Variants in GCSAML observed in about 807,000 individuals in gnomAD.
The protein encoded by GCSAML is germinal center-associated signaling and motility-like protein.
GCSAML carries 9 observed loss-of-function variants against 13.0 expected under a neutral mutation model. The observed-to-expected ratio is 0.69, with a 90% CI of 0.42 to 1.21. GCSAML has a LOEUF of 1.21. Ranked by LOEUF, GCSAML falls within the 50% of genes most tolerant of loss-of-function variation. GCSAML has a pLI of 0.00. For missense variants in GCSAML, 143 were observed against 153.4 expected (o/e 0.93, Z 0.36); for synonymous variants, 37 against 52.9 (o/e 0.70, Z 1.31).
At chr1:247,510,400 T>C (rs1324759752) in intron 1 of GCSAML, among the ~76,000 whole-genome samples, 2 of 152,152 alleles carry the variant, frequency 1.3e-5, no homozygotes, top group Non-Finnish European at 2.9e-5. Context: ...CTCTCTTTCC[T>C]TCTTTATTAG....
intron 1 of GCSAML, among the ~76,000 whole-genome samples, chr1:247,521,541 G>A (rs1666427261): frequency 6.6e-6 from 1 of 152,216 alleles, no homozygotes; most frequent in African/African-American, 2.4e-5. Flanking sequence ...CACGACGCCT[G>A]ACTGGTTTTC....
chr1:247,511,956 A>G (rs1666053899), intron 1 of GCSAML, among the ~76,000 whole-genome samples: 1 of 151,714 alleles, frequency 6.6e-6, no homozygotes, highest in Non-Finnish European at 1.5e-5. Context: ...CCTCATTTCA[A>G]CCTTGATGAA....
chr1:247,554,789 G>A (rs1430021752), intron 1 of GCSAML, among the ~76,000 whole-genome samples: 1 of 152,008 alleles, frequency 6.6e-6, no homozygotes, highest in Admixed American at 6.5e-5. Flanking sequence ...GATTTTGGGG[G>A]ATGTTTACTA....
chr1:247,544,748 G>A (rs747473205), upstream of GCSAML, among the ~76,000 whole-genome samples: 1 of 152,220 alleles, frequency 6.6e-6, no homozygotes, highest in Middle Eastern at 3.4e-3. Flanking sequence ...CCAGCTACTC[G>A]GGAGCCCAAG....
intron 2 of GCSAML, chr1:247,532,362 G>A (rs1185948628): frequency 6.2e-7 from 1 of 1,614,112 alleles, no homozygotes; most frequent in East Asian, 2.2e-5. Context: ...CATCTGTATG[G>A]GAGACCAGAA....
intron 2 of GCSAML, chr1:247,531,507 C>G (rs372823045): frequency 3.8e-6 from 6 of 1,576,660 alleles, no homozygotes; most frequent in South Asian, 1.2e-5. Context: ...TCACTTTGCT[C>G]GATGTAAACT....
At chr1:247,532,008 C>T (rs544163828) in intron 2 of GCSAML, 24 of 1,614,086 alleles carry the variant, frequency 1.5e-5, no homozygotes, top group African/African-American at 9.3e-5. Context: ...TCCCACACAG[C>T]GGTAGGAGCA....
chr1:247,532,149 A>G (rs370546976), intron 2 of GCSAML: 1 of 1,614,102 alleles, frequency 6.2e-7, no homozygotes, highest in Non-Finnish European at 8.5e-7. Flanking sequence ...CGTAGCGGTC[A>G]TAGGACATGG....
chr1:247,558,815 C>T (rs1011417265), intron 2 of GCSAML, among the ~76,000 whole-genome samples: 1 of 152,110 alleles, frequency 6.6e-6, no homozygotes, highest in Non-Finnish European at 1.5e-5. Context: ...TAATATTTTG[C>T]AACTTTTAAT....
intron 2 of GCSAML, among the ~76,000 whole-genome samples, chr1:247,534,883 A>G (rs915339860): frequency 6.6e-6 from 1 of 152,202 alleles, no homozygotes; most frequent in Non-Finnish European, 1.5e-5. Context: ...TAAAATTCAC[A>G]CGTGGAAGCT....
intron 2 of GCSAML, 34 bp from the exon 3 acceptor site, chr1:247,563,556 G>T: frequency 1.5e-6 from 2 of 1,364,754 alleles, no homozygotes; most frequent in South Asian, 1.2e-5. Context: ...TGGAGAACCT[G>T]GAGTATCTCA....
At chr1:247,533,873 T>C (rs1667111191) in intron 2 of GCSAML, 1 of 152,232 alleles carries the variant, frequency 6.6e-6, no homozygotes, top group Non-Finnish European at 1.5e-5. Flanking sequence ...AAATTTTCCC[T>C]CACTCCTACG....
chr1:247,560,941 AT>A lies in GCSAML; in HGVS notation c.90-2641del, dbSNP rs943651428. 4.6e-5 allele frequency among the ~76,000 whole-genome samples: 7 copies of A among 151,432 alleles called. 1 individual carries two copies. The highest frequency in any genetic ancestry group is 1.5e-4 in the African/African-American group (6 of 41,198). ...TTCTACTTTTGTTTCATTTGTTTAG[AT>A]TTTTTTTATTTTTATTTTTTATTTT... is the stretch of plus-strand genomic sequence containing the variant. On this transcript the variant is annotated intron_variant, in intron 2 of 4. Transcript: ENST00000366488.
At chr1:247,544,246 T>A (rs1667497832), upstream of GCSAML, among the ~76,000 whole-genome samples, 1 of 152,184 alleles carries the variant, frequency 6.6e-6, no homozygotes, top group Non-Finnish European at 1.5e-5. Flanking sequence ...TTAAACCGAA[T>A]TGTATCATTC....
chr1:247,550,506 G>A (rs1404831069), intron 1 of GCSAML, among the ~76,000 whole-genome samples: 3 of 152,154 alleles, frequency 2.0e-5, no homozygotes, highest in African/African-American at 4.8e-5. Flanking sequence ...GCGTGGTGGT[G>A]GGCACCTGTA....
At chr1:247,515,956 T>C (rs2037873) in intron 1 of GCSAML, among the ~76,000 whole-genome samples, 150,769 of 152,248 alleles carry the variant, frequency 0.99, 74,666 homozygotes, top group East Asian at 1. Context: ...GATAAGACTC[T>C]TATCTGTTGG....
At chr1:247,513,798 G>A (rs1423023448) in intron 1 of GCSAML, among the ~76,000 whole-genome samples, 1 of 152,160 alleles carries the variant, frequency 6.6e-6, no homozygotes, top group Non-Finnish European at 1.5e-5. Flanking sequence ...TCCTGGGTGA[G>A]GCAATGCTCC....
chr1:247,562,921 C>G (rs1280071565), intron 2 of GCSAML, among the ~76,000 whole-genome samples: 1 of 151,968 alleles, frequency 6.6e-6, no homozygotes, highest in Non-Finnish European at 1.5e-5. Context: ...CTCGCTGCAA[C>G]CTCTGCCTCC....
At chr1:247,568,323 C>A (rs1328395918) in intron 4 of GCSAML, among the ~76,000 whole-genome samples, 2 of 152,196 alleles carry the variant, frequency 1.3e-5, no homozygotes, top group Non-Finnish European at 1.5e-5. Flanking sequence ...ACATTTAAAT[C>A]TTTAATCCAA....
Sources: allele counts gnomAD v4.1 joint callset (sites outside exome capture counted in the v4.1 genomes callset), GRCh38; gene constraint gnomAD v4.1.1; transcripts MANE v1.5; gene names NCBI Gene and HGNC (gene_info 2026-07-23, HGNC 2026-07-21).